RBM17: variants seen among roughly 807,000 people sequenced by gnomAD.
The protein encoded by RBM17 is RNA binding motif protein 17.
RBM17 carries 7 observed loss-of-function variants against 53.2 expected under a neutral mutation model. The observed-to-expected ratio is 0.13, with a 90% CI of 0.07 to 0.25. The LOEUF (loss-of-function observed/expected upper bound fraction) is 0.25, where lower values mean the gene tolerates loss of function less well. Ranked by LOEUF, RBM17 falls within the 10% of genes least tolerant of loss-of-function variation. RBM17 has a pLI of 1.00. For synonymous variants in RBM17, 167 were observed against 178.1 expected (o/e 0.94, Z 0.50); for missense variants, 257 against 496.7 (o/e 0.52, Z 4.59).
chr10:6,096,734 G>T (rs987819302), intron 1 of RBM17, among the ~76,000 whole-genome samples: 18 of 152,028 alleles, frequency 1.2e-4, no homozygotes, highest in African/African-American at 4.4e-4. Flanking sequence ...TTTAAAAATT[G>T]GATATATGTA....
In RBM17 at chr10:6,106,186, A is replaced by G. The variant is rs1840746291; in HGVS notation, c.453A>G (p.Pro151=). The G allele has an allele frequency of 6.2e-7, 1 of 1,613,912 alleles. No homozygotes were observed. The highest frequency in any genetic ancestry group is 8.5e-7 in the Non-Finnish European group (1 of 1,179,804). The change falls in exon 5 of 12, where the codon CCA becomes CCG. Residue 151 remains proline (P), a synonymous_variant. Transcript: ENST00000379888. ...AAGCAAGTGGGTTTGCAAGGAGACCAGATCCAGATTCTGATGAAGATGAAG... is the reference window on the plus strand; with the variant it reads ...AAGCAAGTGGGTTTGCAAGGAGACCGGATCCAGATTCTGATGAAGATGAAG... ...RHEASGFARR[P]DPDSDEDEDY... is the part of the protein sequence containing the mutation.
At position 6,116,650 on chromosome 10, in the gene RBM17, G is replaced by A. The variant is rs369503881; in HGVS notation, c.*1094G>A. 4 of 152,392 alleles carry A rather than the reference G, an allele frequency of 2.6e-5. No homozygotes were observed. The highest frequency in any genetic ancestry group is 3.8e-4 in the East Asian group (2 of 5,318). The allele number at this position is 152,392 out of a possible 1,614,324, so 9.4% of individuals were successfully genotyped here. On this transcript the variant is annotated 3_prime_UTR_variant, in exon 12 of 12. Transcript: ENST00000379888. ...AATACTGCATGTGACTTTCCTAAGCGGCAGCTGAAAGACTCGAGCCCGTGC... is the reference window on the plus strand; with the variant it reads ...AATACTGCATGTGACTTTCCTAAGCAGCAGCTGAAAGACTCGAGCCCGTGC...
rs1046192216 is a variant in RBM17, at chr10:6,108,370, C to G, written c.506-316C>G. On this transcript the variant is annotated intron_variant, in intron 5 of 11. Transcript: ENST00000379888. ...TCTCGGTAAATAGTTACATTACTCT[C>G]TTTTTAAGTAACTGCTGGTTCTCTT... 6.9e-5 allele frequency: 26 copies of G among 376,340 alleles called. 1 individual carries two copies. The Middle Eastern group carries it at 2.8e-3, about 41-fold the overall frequency. 23.3% of individuals were successfully genotyped at this position (376,340 alleles called of 1,614,324 possible). A position where few individuals can be genotyped will look rare whatever the true frequency, so the allele number is the denominator to read the frequency against.
intron 11 of RBM17, 41 bp from the exon 12 acceptor site, chr10:6,115,412 T>C (rs374110639): frequency 3.7e-5 from 57 of 1,541,350 alleles, no homozygotes; most frequent in Non-Finnish European, 4.9e-5. Flanking sequence ...ACCTTTATCT[T>C]ATAGGATACC....
intron 8 of RBM17, chr10:6,113,303 A>G (rs936691023): frequency 6.6e-6 from 3 of 451,336 alleles, no homozygotes; most frequent in Non-Finnish European, 1.2e-5. Context: ...CTATTGTAAA[A>G]ACATGCCAAA....
At chr10:6,100,042 C>G (rs1840648456) in intron 2 of RBM17, among the ~76,000 whole-genome samples, 1 of 151,836 alleles carries the variant, frequency 6.6e-6, no homozygotes, top group South Asian at 2.1e-4. Flanking sequence ...GAGCAAGACT[C>G]CATCTCAAAA....
At chr10:6,094,642 A>AT (rs1460071938) in intron 1 of RBM17, among the ~76,000 whole-genome samples, 1 of 152,216 alleles carries the variant, frequency 6.6e-6, no homozygotes, top group African/African-American at 2.4e-5. Flanking sequence ...CACAGTGCTA[A>AT]GCTGGACACT....
chr10:6,104,937 G>A lies in RBM17; in HGVS notation c.247G>A (p.Val83Ile), dbSNP rs769966706. The change falls in exon 4 of 12, where the codon GTT becomes ATT. Residue 83 changes from valine (V) to isoleucine (I), a missense_variant. Coordinates refer to ENST00000379888, the MANE Select transcript of RBM17 (RefSeq NM_032905.5). ...CTGTTTTTACCTTCCTCAGGATCCT[G>A]TTCCCAGTGGGTTTTCTGCAGGGGA... ...PHVAAGLKDP[V>I]PSGFSAGEVL... 1 of 1,613,594 alleles carries A rather than the reference G, an allele frequency of 6.2e-7. No homozygotes were observed. The highest frequency in any genetic ancestry group is 1.3e-5 in the African/African-American group (1 of 74,904).
chr10:6,098,592 T>TC (rs1840620030), intron 2 of RBM17, among the ~76,000 whole-genome samples: 1 of 123,746 alleles, frequency 8.1e-6, no homozygotes, highest in Admixed American at 8.5e-5. Context: ...TTTTTTTTTT[T>TC]TGAGACGTAG....
chr10:6,091,339 G>A (rs1840481744), intron 1 of RBM17, among the ~76,000 whole-genome samples: 1 of 152,124 alleles, frequency 6.6e-6, no homozygotes, highest in Non-Finnish European at 1.5e-5. Flanking sequence ...GATTACAGGC[G>A]TGAGCCACTG....
At chr10:6,101,756 C>T (rs969918593) in intron 3 of RBM17, among the ~76,000 whole-genome samples, 1 of 152,156 alleles carries the variant, frequency 6.6e-6, no homozygotes, top group African/African-American at 2.4e-5. Context: ...TGTATGATCA[C>T]GTTTATGGCT....
chr10:6,114,159 T>A lies in RBM17; in HGVS notation c.1029+12T>A, dbSNP rs1466613068. Reference sequence around the variant, plus strand: ...GTGTGATATTTGAAGTAAGAGTGTTTTCTTTTGATGTTTATAACACAAGTT... The same window carrying A: ...GTGTGATATTTGAAGTAAGAGTGTTATCTTTTGATGTTTATAACACAAGTT... On this transcript the variant is annotated intron_variant, in intron 10 of 11. Coordinates refer to ENST00000379888, the MANE Select transcript of RBM17 (RefSeq NM_032905.5). 6.8e-7 allele frequency: 1 copy of A among 1,473,968 alleles called. No individual in the cohort carries two copies. Among genetic ancestry groups the A allele is most frequent in the East Asian group, 2.3e-5 (1 of 43,898 alleles). 91.3% of individuals were successfully genotyped at this position (1,473,968 alleles called of 1,614,324 possible). A position where few individuals can be genotyped will look rare whatever the true frequency, so the allele number is the denominator to read the frequency against.
Position 6,097,035 on chromosome 10 carries a change from T to G in RBM17, c.-18-13T>G, listed in dbSNP as rs1490433319. On this transcript the variant is annotated splice_polypyrimidine_tract_variant and intron_variant, in intron 1 of 11. Transcript: ENST00000379888. The stretch of plus-strand genomic sequence containing the variant: ...TTGTGCATTCTTTAATCCCCACCCC[T>G]TTTGCCTTTCAGCATTAAACTGAAG... The G allele has an allele frequency of 6.2e-7, 1 of 1,603,796 alleles. No homozygotes were observed. The highest frequency in any genetic ancestry group is 1.3e-5 in the African/African-American group (1 of 74,452).
intron 1 of RBM17, among the ~76,000 whole-genome samples, chr10:6,091,973 CAT>C (rs1840492895): frequency 6.6e-6 from 1 of 152,148 alleles, no homozygotes; most frequent in African/African-American, 2.4e-5. Context: ...GCCAGTTGCA[CAT>C]GTTTTAAAAA....
Position 6,112,374 on chromosome 10 carries a change from G to A in RBM17, c.856+13G>A, listed in dbSNP as rs1004178290. 6 of 1,613,548 alleles carry A rather than the reference G, an allele frequency of 3.7e-6. No individual in the cohort carries two copies. The highest frequency in any genetic ancestry group is 5.1e-6 in the Non-Finnish European group (6 of 1,179,896). On this transcript the variant is annotated intron_variant, in intron 8 of 11. Coordinates refer to ENST00000379888, the MANE Select transcript of RBM17 (RefSeq NM_032905.5). The surrounding 1 kb of genome is among the most constrained non-coding windows in gnomAD (Gnocchi z 4.4). ...GCCACAGAGAAAGGTGTGTCCCCAGGGAAGCGTGTGACTAGAGGGAAAGGA... is the reference window on the plus strand; with the variant it reads ...GCCACAGAGAAAGGTGTGTCCCCAGAGAAGCGTGTGACTAGAGGGAAAGGA...
At chr10:6,097,663 T>TC (rs1427066851) in intron 2 of RBM17, among the ~76,000 whole-genome samples, 3 of 152,178 alleles carry the variant, frequency 2.0e-5, no homozygotes, top group Non-Finnish European at 4.4e-5. Context: ...AGAGCAAGAC[T>TC]CCGATTCAAA....
rs116399026 is a variant in RBM17 at position 6,111,136 on chromosome 10, A to G, written c.704+1009A>G. Among the ~76,000 whole-genome samples the G allele has an allele frequency of 3.1e-3, 470 of 152,368 alleles. 5 individuals are homozygous for G. Among genetic ancestry groups the G allele is most frequent in the African/African-American group, 0.011 (451 of 41,586 alleles). ...CAAATGAAAATGTTAAGGGAATTAA[A>G]TACAAGAAGTAATGTAGGTGCAGTT... On this transcript the variant is annotated intron_variant, in intron 7 of 11. Coordinates refer to ENST00000379888, the MANE Select transcript of RBM17 (RefSeq NM_032905.5).
chr10:6,093,699 T>A lies in RBM17; in HGVS notation c.-18-3349T>A, dbSNP rs532123361. Among the ~76,000 whole-genome samples the A allele has an allele frequency of 5.6e-4, 85 of 152,314 alleles. 1 individual carries two copies. The highest frequency in any genetic ancestry group is 1.9e-3 in the African/African-American group (80 of 41,568). ...AAAGTTCTCAAGTTATAAAGAGAAATGGGTTGAGTATCCCTTACCCAAAAT... is the reference window on the plus strand; with the variant it reads ...AAAGTTCTCAAGTTATAAAGAGAAAAGGGTTGAGTATCCCTTACCCAAAAT... On this transcript the variant is annotated intron_variant, in intron 1 of 11. Coordinates refer to ENST00000379888, the MANE Select transcript of RBM17 (RefSeq NM_032905.5).
At chr10:6,110,166 A>T (rs764338255) in intron 7 of RBM17, 39 bp downstream of exon 7, 1 of 1,564,642 alleles carries the variant, frequency 6.4e-7, no homozygotes, top group Non-Finnish European at 8.7e-7. Context: ...CTTGAGAGAC[A>T]GTGTGAAGCG....
Sources: gnomAD v4.1 joint callset for allele counts (sites outside exome capture counted in the v4.1 genomes callset) on GRCh38, gnomAD v4.1.1 for gene constraint, Gnocchi (gnomAD v3.1) non-coding constraint, MANE v1.5 for transcripts, NCBI Gene and HGNC (gene_info 2026-07-23, HGNC 2026-07-21) for gene names.